Variants in TMEM117 observed in about 807,000 individuals in gnomAD.
TMEM117 encodes the protein transmembrane protein 117.
TMEM117 carries 27 observed loss-of-function variants against 52.4 expected under a neutral mutation model. The observed-to-expected ratio is 0.51, with a 90% confidence interval of 0.38 to 0.71. The LOEUF is 0.71. TMEM117 is among the 30% of genes least tolerant of loss of function. The probability of loss-of-function intolerance (pLI) is 0.00; values close to 1 mark genes in which losing one functional copy is unlikely to be tolerated. For missense variants in TMEM117, 556 were observed against 630.5 expected (o/e 0.88, Z 1.26); for synonymous variants, 215 against 206.3 (o/e 1.04, Z -0.36).
intron 6 of TMEM117, among the ~76,000 whole-genome samples, chr12:44,310,409 C>T (rs917321263): frequency 2.7e-4 from 41 of 152,230 alleles, no homozygotes; most frequent in Admixed American, 6.5e-4. Context: ...GAGGCCGAGG[C>T]GGGTGGATCA....
chr12:44,237,486 G>A (rs776957701), intron 5 of TMEM117, among the ~76,000 whole-genome samples: 1 of 152,032 alleles, frequency 6.6e-6, no homozygotes, highest in Non-Finnish European at 1.5e-5. Context: ...CTGAGAAGCC[G>A]AGGCAGGCAG....
intron 4 of TMEM117, among the ~76,000 whole-genome samples, chr12:44,174,676 C>T (rs568100841): frequency 5.9e-5 from 9 of 152,190 alleles, no homozygotes; most frequent in East Asian, 1.9e-4. Flanking sequence ...TTCTAAAATA[C>T]GCTTGTAAAT....
intron 3 of TMEM117, among the ~76,000 whole-genome samples, chr12:44,046,231 C>A (rs556971141): frequency 5.3e-5 from 8 of 152,256 alleles, no homozygotes; most frequent in African/African-American, 1.9e-4. Flanking sequence ...GGGAGGAACA[C>A]TGCCACCAGG....
At chr12:43,827,718 G>A in the TMEM117 span, among the ~76,000 whole-genome samples, 3 of 152,060 alleles carry the variant, frequency 2.0e-5, no homozygotes, top group Non-Finnish European at 2.9e-5. Context: ...TGATGTAGTG[G>A]GCTGAATAGT....
intron 3 of TMEM117, among the ~76,000 whole-genome samples, chr12:44,107,679 C>A (rs1947982915): frequency 1.3e-5 from 2 of 152,030 alleles, no homozygotes; most frequent in African/African-American, 4.8e-5. Context: ...ATTTAATCAG[C>A]CTCCAATTAT....
intron 5 of TMEM117, among the ~76,000 whole-genome samples, chr12:44,288,126 CAAG>C (rs1950659607): frequency 6.6e-6 from 1 of 152,056 alleles, no homozygotes; most frequent in South Asian, 2.1e-4. Context: ...ATCAATTTTA[CAAG>C]AAGTGGCTCA....
At chr12:44,235,247 CCTTTTT>C (rs1303596397) in intron 5 of TMEM117, among the ~76,000 whole-genome samples, 3 of 151,394 alleles carry the variant, frequency 2.0e-5, no homozygotes, top group African/African-American at 7.3e-5. Flanking sequence ...ATAGAAACAC[CCTTTTT>C]CTTTTGTTGT....
intron 6 of TMEM117, among the ~76,000 whole-genome samples, chr12:44,332,002 A>G (rs1306301902): frequency 6.6e-6 from 1 of 152,062 alleles, no homozygotes; most frequent in Non-Finnish European, 1.5e-5. Flanking sequence ...CCTACCAATC[A>G]TCAACTCTGT....
intron 6 of TMEM117, among the ~76,000 whole-genome samples, chr12:44,339,641 TATCTC>T (rs1951390023): frequency 6.6e-6 from 1 of 151,992 alleles, no homozygotes; most frequent in African/African-American, 2.4e-5. Flanking sequence ...TGAAAGATGT[TATCTC>T]ATTTATAAGC....
chr12:44,283,043 C>A (rs1950597447), intron 5 of TMEM117, among the ~76,000 whole-genome samples: 1 of 152,250 alleles, frequency 6.6e-6, no homozygotes, highest in Non-Finnish European at 1.5e-5. Flanking sequence ...GGTGTGGAGC[C>A]TGTGGGTACA....
intron 2 of TMEM117, among the ~76,000 whole-genome samples, chr12:43,932,880 A>C (rs1338550809): frequency 6.6e-6 from 1 of 152,208 alleles, no homozygotes; most frequent in Non-Finnish European, 1.5e-5. Context: ...TCGTGAATGA[A>C]AATCAAATTC....
At chr12:43,873,780 G>C (rs1461568) in intron 2 of TMEM117, among the ~76,000 whole-genome samples, 111,057 of 151,758 alleles carry the variant, frequency 0.73, 43,669 homozygotes, top group East Asian at 0.94. Context: ...CTTTTACCAA[G>C]AAGGTTCTCA....
chr12:44,015,680 GA>G (rs1353938971), intron 3 of TMEM117, among the ~76,000 whole-genome samples: 1 of 152,140 alleles, frequency 6.6e-6, no homozygotes, highest in Non-Finnish European at 1.5e-5. Flanking sequence ...TCAGGATTCA[GA>G]GTGTATTTTC....
In TMEM117 at chr12:44,240,469, G is replaced by A. The variant is rs115552888; in HGVS notation, c.608+29082G>A. Among the ~76,000 whole-genome samples, 564 of 152,150 alleles carry A rather than the reference G, an allele frequency of 3.7e-3. 2 individuals are homozygous for A. Among genetic ancestry groups the A allele is most frequent in the African/African-American group, 0.012 (514 of 41,538 alleles). ...AAGTGTTCTGTTCTAAGGAAGAAGA[G>A]GGAACAGATATTGCAACAATTGGTG... On this transcript the variant is annotated intron_variant, in intron 5 of 7. Coordinates refer to ENST00000266534, the MANE Select transcript of TMEM117 (RefSeq NM_032256.3).
At chr12:44,203,661 T>C (rs1239250629) in intron 4 of TMEM117, among the ~76,000 whole-genome samples, 3 of 152,210 alleles carry the variant, frequency 2.0e-5, no homozygotes, top group Non-Finnish European at 4.4e-5. Flanking sequence ...TTTGTCTTCA[T>C]TTGTTTCATA....
chr12:43,990,556 C>T (rs1945921859), intron 3 of TMEM117, among the ~76,000 whole-genome samples: 1 of 152,088 alleles, frequency 6.6e-6, no homozygotes, highest in Non-Finnish European at 1.5e-5. Context: ...TGGTCCATTC[C>T]TCTGAAATAT....
intron 6 of TMEM117, among the ~76,000 whole-genome samples, chr12:44,300,169 G>A (rs574640711): frequency 5.3e-5 from 8 of 152,296 alleles, no homozygotes; most frequent in African/African-American, 1.7e-4. Context: ...ATGAAGTGAT[G>A]TAAAAATTCT....
At chr12:44,383,039 T>C (rs1162386975) in intron 7 of TMEM117, among the ~76,000 whole-genome samples, 1 of 152,130 alleles carries the variant, frequency 6.6e-6, no homozygotes, top group East Asian at 1.9e-4. Flanking sequence ...ATTCATCTTC[T>C]TCAAGGCCAT....
At chr12:44,183,191 AATT>A (rs1353384590) in intron 4 of TMEM117, among the ~76,000 whole-genome samples, 1 of 152,212 alleles carries the variant, frequency 6.6e-6, no homozygotes, top group Non-Finnish European at 1.5e-5. Context: ...CATATAGGAT[AATT>A]ATTATCTAAT....
Sources: gnomAD v4.1 joint callset for allele counts (sites outside exome capture counted in the v4.1 genomes callset) on GRCh38, gnomAD v4.1.1 for gene constraint, MANE v1.5 for transcripts, NCBI Gene and HGNC (gene_info 2026-07-23, HGNC 2026-07-21) for gene names.